The following PTPRD variants were observed in gnomAD, a reference collection of about 807,000 sequenced individuals.
PTPRD encodes protein tyrosine phosphatase receptor type D, also known as receptor-type tyrosine-protein phosphatase delta.
PTPRD carries 34 observed loss-of-function variants against 214.5 expected under a neutral mutation model. The ratio of observed to expected loss-of-function variants is 0.16; its 90% confidence interval spans 0.12 to 0.21. The LOEUF (loss-of-function observed/expected upper bound fraction) is 0.21, where lower values mean the gene tolerates loss of function less well. PTPRD is among the 10% of genes least tolerant of loss of function. PTPRD has a pLI of 1.00. For synonymous variants in PTPRD, 1,128 were observed against 845.7 expected (o/e 1.33, Z -5.79); for missense variants, 2,545 against 2,398.7 (o/e 1.06, Z -1.27).
At chr9:9,341,896 C>G (rs779470126) in intron 9 of PTPRD, among the ~76,000 whole-genome samples, 18 of 152,114 alleles carry the variant, frequency 1.2e-4, no homozygotes, top group Non-Finnish European at 2.5e-4. Flanking sequence ...GCAACTTCCA[C>G]CTCCTGGGTT....
intron 8 of PTPRD, among the ~76,000 whole-genome samples, chr9:9,399,617 G>A (rs775846209): frequency 1.3e-5 from 2 of 152,026 alleles, no homozygotes; most frequent in Non-Finnish European, 2.9e-5. Context: ...TTGTGGTAGA[G>A]ATCCAGTGAG....
At chr9:9,953,406 AT>A (rs1044728514) in intron 4 of PTPRD, among the ~76,000 whole-genome samples, 9 of 152,042 alleles carry the variant, frequency 5.9e-5, no homozygotes, top group African/African-American at 1.9e-4. Context: ...ATTCAACACT[AT>A]AGAATTCAAC....
At chr9:10,061,878 T>G (rs1404800179) in intron 3 of PTPRD, among the ~76,000 whole-genome samples, 3 of 152,006 alleles carry the variant, frequency 2.0e-5, no homozygotes, top group Non-Finnish European at 4.4e-5. Flanking sequence ...GACCTGCAGC[T>G]TTATTATCAC....
At chr9:10,543,969 AG>A (rs1437179363) in intron 2 of PTPRD, among the ~76,000 whole-genome samples, 7 of 152,170 alleles carry the variant, frequency 4.6e-5, no homozygotes, top group Non-Finnish European at 1.0e-4. Context: ...AATATAGAAA[AG>A]TTCCACCCAA....
intron 7 of PTPRD, among the ~76,000 whole-genome samples, chr9:9,616,119 T>C (rs1021589162): frequency 6.6e-6 from 1 of 152,194 alleles, no homozygotes; most frequent in African/African-American, 2.4e-5. Context: ...GATACGGTAA[T>C]ATACAGGCTC....
At chr9:8,321,491 A>G (rs796710272) in intron 44 of PTPRD, among the ~76,000 whole-genome samples, 133 of 59,120 alleles carry the variant, frequency 2.2e-3, no homozygotes, top group Non-Finnish European at 3.0e-3. Flanking sequence ...GTGTGTGTAT[A>G]TATATATATA....
intron 2 of PTPRD, among the ~76,000 whole-genome samples, chr9:10,602,132 A>G (rs1056025050): frequency 6.6e-6 from 1 of 151,732 alleles, no homozygotes; most frequent in Non-Finnish European, 1.5e-5. Flanking sequence ...GGGAAACGCA[A>G]TTTTGTATAT....
intron 11 of PTPRD, among the ~76,000 whole-genome samples, chr9:8,743,835 A>G (rs7857860): frequency 0.074 from 11,121 of 149,936 alleles, 1,104 homozygotes; most frequent in African/African-American, 0.23. Flanking sequence ...AATAATATCA[A>G]CAGAGTTAAC....
At chr9:10,034,369 T>A (rs2097137694) in intron 3 of PTPRD, among the ~76,000 whole-genome samples, 1 of 151,670 alleles carries the variant, frequency 6.6e-6, no homozygotes. Context: ...CCTTTTACTA[T>A]TTCTTCTTCT....
intron 9 of PTPRD, among the ~76,000 whole-genome samples, chr9:9,331,012 G>T (rs1049451853): frequency 6.6e-6 from 1 of 151,458 alleles, no homozygotes; most frequent in Non-Finnish European, 1.5e-5. Flanking sequence ...TCATTTGGTT[G>T]CATGGAATAA....
intron 3 of PTPRD, among the ~76,000 whole-genome samples, chr9:10,125,022 C>A (rs1490104684): frequency 6.6e-6 from 1 of 152,144 alleles, no homozygotes; most frequent in Non-Finnish European, 1.5e-5. Flanking sequence ...TACATCAAAG[C>A]AATGACTGAA....
At chr9:10,113,979 C>T (rs1406913626) in intron 3 of PTPRD, among the ~76,000 whole-genome samples, 1 of 152,112 alleles carries the variant, frequency 6.6e-6, no homozygotes, top group Non-Finnish European at 1.5e-5. Context: ...CCAGTGTCTA[C>T]TCTTATAGAT....
rs1371089373 is a variant in PTPRD, at chr9:8,964,878, T to C, written c.-104+53819A>G. On this transcript the variant is annotated intron_variant, in intron 11 of 45. Transcript: ENST00000381196. Reference sequence around the variant, plus strand: ...CTTTGAGAAATCTTTTTGGTATTGATTTCTATTTTTATTTCACTGTTGTCC... The same window carrying C: ...CTTTGAGAAATCTTTTTGGTATTGACTTCTATTTTTATTTCACTGTTGTCC... 2.6e-5 allele frequency among the ~76,000 whole-genome samples: 4 copies of C among 152,258 alleles called. No homozygotes were observed. In the East Asian group the frequency reaches 7.7e-4, roughly 29 times the overall value.
chr9:9,173,795 A>G (rs545819830), intron 10 of PTPRD, among the ~76,000 whole-genome samples: 1 of 152,234 alleles, frequency 6.6e-6, no homozygotes, highest in East Asian at 1.9e-4. Context: ...TCTGCTCGTC[A>G]CTATCTAATA....
chr9:10,426,953 C>A (rs934239228), intron 2 of PTPRD, among the ~76,000 whole-genome samples: 2 of 151,924 alleles, frequency 1.3e-5, no homozygotes, highest in African/African-American at 4.8e-5. Flanking sequence ...ACAAAGATGA[C>A]AAAGAGGCCC....
intron 14 of PTPRD, among the ~76,000 whole-genome samples, chr9:8,536,899 T>C (rs1371802839): frequency 2.0e-5 from 3 of 152,022 alleles, no homozygotes; most frequent in Non-Finnish European, 2.9e-5. Flanking sequence ...TCATAGTGTA[T>C]TTGCTACTTT....
At chr9:10,065,190 A>AGAAAGAAAGAAG (rs2097855415) in intron 3 of PTPRD, among the ~76,000 whole-genome samples, 2 of 151,876 alleles carry the variant, frequency 1.3e-5, no homozygotes, top group African/African-American at 2.4e-5. Context: ...AAAGAAAGAA[A>AGAAAGAAAGAAG]GAAAAGGATG....
At chr9:8,924,640 A>C (rs2098854797) in intron 11 of PTPRD, among the ~76,000 whole-genome samples, 2 of 151,830 alleles carry the variant, frequency 1.3e-5, no homozygotes. Flanking sequence ...ATCATTAGCA[A>C]ACTCGCCAAC....
chr9:10,344,347 G>A (rs1022558518), intron 2 of PTPRD, among the ~76,000 whole-genome samples: 1 of 152,006 alleles, frequency 6.6e-6, no homozygotes, highest in Non-Finnish European at 1.5e-5. Flanking sequence ...GTAGATGTGT[G>A]GTGTTATTTC....
Sources: gnomAD v4.1 joint callset for allele counts (sites outside exome capture counted in the v4.1 genomes callset) on GRCh38, gnomAD v4.1.1 for gene constraint, MANE v1.5 for transcripts, NCBI Gene and HGNC (gene_info 2026-07-23, HGNC 2026-07-21) for gene names.